Variants in DNAH8 observed in about 807,000 individuals in gnomAD.
The protein encoded by DNAH8 is axonemal beta dynein heavy chain 8.
A neutral mutation model predicts 562.1 loss-of-function variants in DNAH8; 382 were observed. That is an observed-to-expected ratio of 0.68 (90% CI 0.63 to 0.74). The LOEUF (loss-of-function observed/expected upper bound fraction) is 0.74, where lower values mean the gene tolerates loss of function less well. Ranked by LOEUF, DNAH8 falls within the 30% of genes least tolerant of loss-of-function variation. DNAH8 has a pLI of 0.00. For missense variants in DNAH8, 5,203 were observed against 5,620.4 expected (o/e 0.93, Z 2.37); for synonymous variants, 1,881 against 1,919.4 (o/e 0.98, Z 0.52).
chr6:39,005,662 A>C (rs1414321379), intron 88 of DNAH8, among the ~76,000 whole-genome samples: 1 of 152,174 alleles, frequency 6.6e-6, no homozygotes, highest in Non-Finnish European at 1.5e-5. Context: ...CGTTTATTCA[A>C]ATATTTTTTC....
chr6:38,872,784 T>A lies in DNAH8; in HGVS notation c.7237+2T>A. The A allele has an allele frequency of 1.2e-6, 2 of 1,614,054 alleles. No homozygotes were observed. The highest frequency in any genetic ancestry group is 1.7e-6 in the Non-Finnish European group (2 of 1,179,956). On this transcript the variant is annotated splice_donor_variant, in intron 50 of 92. Transcript: ENST00000327475. LOFTEE classifies it high-confidence loss of function. ...GAAAAACATTAAAAGCTAAAAAAGGTATACACAAACCTCCTTTGTGATCAT... is the reference window on the plus strand; with the variant it reads ...GAAAAACATTAAAAGCTAAAAAAGGAATACACAAACCTCCTTTGTGATCAT...
intron 84 of DNAH8, among the ~76,000 whole-genome samples, chr6:38,974,040 G>C (rs1763515927): frequency 6.6e-6 from 1 of 152,068 alleles, no homozygotes; most frequent in Non-Finnish European, 1.5e-5. Context: ...TTGAGTTTCA[G>C]CTCTGATCAA....
chr6:38,901,287 A>T (rs1021942046), intron 62 of DNAH8, among the ~76,000 whole-genome samples: 2 of 151,890 alleles, frequency 1.3e-5, no homozygotes, highest in Non-Finnish European at 2.9e-5. Context: ...TTTTCCTATG[A>T]TTTTCTTCAC....
chr6:39,022,703 C>T (rs561070889), intron 91 of DNAH8, among the ~76,000 whole-genome samples: 76 of 152,240 alleles, frequency 5.0e-4, no homozygotes, highest in East Asian at 1.4e-3. Flanking sequence ...GTTTTCTGGT[C>T]GTGTGATCCC....
intron 9 of DNAH8, among the ~76,000 whole-genome samples, chr6:38,752,859 A>G (rs577206289): frequency 1.3e-5 from 2 of 152,336 alleles, no homozygotes; most frequent in Non-Finnish European, 2.9e-5. Flanking sequence ...AGAGTCTTTT[A>G]ATTGAGTCCA....
chr6:38,718,890 G>A (rs1762538141), intron 1 of DNAH8, among the ~76,000 whole-genome samples: 1 of 152,130 alleles, frequency 6.6e-6, no homozygotes, highest in Non-Finnish European at 1.5e-5. Flanking sequence ...GCTTTGACCT[G>A]TTCATAGCTT....
At chr6:38,802,816 C>T (rs1770899953) in intron 21 of DNAH8, among the ~76,000 whole-genome samples, 1 of 152,250 alleles carries the variant, frequency 6.6e-6, no homozygotes, top group Non-Finnish European at 1.5e-5. Flanking sequence ...CAAACCAATA[C>T]TCTGGATTGT....
At chr6:38,781,833 A>G (rs1768644887) in intron 16 of DNAH8, among the ~76,000 whole-genome samples, 1 of 152,082 alleles carries the variant, frequency 6.6e-6, no homozygotes, top group African/African-American at 2.4e-5. Flanking sequence ...TTCATTCTCT[A>G]TGTCCTTCAG....
rs530942355 is a variant in DNAH8 at position 38,766,587 on chromosome 6, A to T, written c.1618-3826A>T. ...ATGCAACCTCCGCCTCCTGGGCTCA[A>T]GCCATCCTCCCACCTCAGCCTCCCT... is the stretch of plus-strand genomic sequence containing the variant. On this transcript the variant is annotated intron_variant, in intron 11 of 92. Coordinates refer to ENST00000327475, the MANE Select transcript of DNAH8 (RefSeq NM_001206927.2). Among the ~76,000 whole-genome samples, 5 of 152,270 alleles carry T rather than the reference A, an allele frequency of 3.3e-5. No homozygotes were observed. The East Asian group carries it at 9.6e-4, about 29-fold the overall frequency.
chr6:39,008,761 T>TA, intron 88 of DNAH8, 53 bp from the exon 89 acceptor site: 1 of 1,102,560 alleles, frequency 9.1e-7, no homozygotes, highest in Non-Finnish European at 1.3e-6. Flanking sequence ...ACTTGACACT[T>TA]ATCTCTTACA....
At chr6:38,900,324 T>TTTGC (rs1403831195) in intron 62 of DNAH8, among the ~76,000 whole-genome samples, 2 of 152,234 alleles carry the variant, frequency 1.3e-5, no homozygotes, top group Admixed American at 1.3e-4. Flanking sequence ...GTTCATTCTT[T>TTTGC]TTGCTGCATG....
At chr6:38,782,368 C>T (rs150194097) in intron 16 of DNAH8, among the ~76,000 whole-genome samples, 7,017 of 152,188 alleles carry the variant, frequency 0.046, 218 homozygotes, top group Middle Eastern at 0.085. Flanking sequence ...GCAACCTCCG[C>T]ATCCTGGGTT....
intron 36 of DNAH8, among the ~76,000 whole-genome samples, chr6:38,846,148 C>G (rs180844181): frequency 6.7e-4 from 102 of 152,212 alleles, no homozygotes; most frequent in African/African-American, 2.4e-3. Flanking sequence ...CACCCAATGG[C>G]CCGGGAAAAG....
In DNAH8 at chr6:39,030,110, T is replaced by A. The variant is rs1318112375; in HGVS notation, c.13842T>A (p.Gly4614=). 1 of 1,611,580 alleles carries A rather than the reference T, an allele frequency of 6.2e-7. No homozygotes were observed. The highest frequency in any genetic ancestry group is 1.7e-5 in the Admixed American group (1 of 59,886). Residue 4614 remains glycine, a synonymous_variant, in exon 93 of 93, where the codon GGT becomes GGA. Transcript: ENST00000327475. The part of the protein sequence containing the change: ...KEEITSPPGE[G]VYIYGLYMDG... ...CTTATGCTTGACTCTTCCAGGAAGGTGTGTATATTTATGGGCTCTACATGG... is the reference window on the plus strand; with the variant it reads ...CTTATGCTTGACTCTTCCAGGAAGGAGTGTATATTTATGGGCTCTACATGG...
intron 79 of DNAH8, among the ~76,000 whole-genome samples, chr6:38,939,885 C>T (rs1783299333): frequency 6.6e-6 from 1 of 152,144 alleles, no homozygotes; most frequent in African/African-American, 2.4e-5. Flanking sequence ...GAAAACATTC[C>T]ATGCTGAAAT....
intron 10 of DNAH8, among the ~76,000 whole-genome samples, chr6:38,757,587 G>T (rs1434230137): frequency 2.6e-5 from 4 of 152,186 alleles, no homozygotes; most frequent in African/African-American, 9.7e-5. Flanking sequence ...TAGACATGAA[G>T]TCCTTGCCCA....
intron 88 of DNAH8, among the ~76,000 whole-genome samples, chr6:38,991,600 C>A (rs1309871287): frequency 6.6e-6 from 1 of 152,188 alleles, no homozygotes; most frequent in Non-Finnish European, 1.5e-5. Context: ...CAGTGACCTA[C>A]ATACAGATGA....
At chr6:38,912,582 T>C (rs1780985230) in intron 66 of DNAH8, among the ~76,000 whole-genome samples, 1 of 152,182 alleles carries the variant, frequency 6.6e-6, no homozygotes, top group African/African-American at 2.4e-5. Context: ...TTTCTCATGA[T>C]TCAGCTTCTT....
chr6:38,873,514 A>G (rs2150436603), intron 52 of DNAH8, 138 bp downstream of exon 52: 2 of 738,044 alleles, frequency 2.7e-6, no homozygotes, highest in Non-Finnish European at 4.2e-6. Flanking sequence ...AGCTCTGATA[A>G]TTTTGATTTC....
Sources: gnomAD v4.1 joint callset for allele counts (sites outside exome capture counted in the v4.1 genomes callset) on GRCh38, gnomAD v4.1.1 for gene constraint, MANE v1.5 for transcripts, NCBI Gene and HGNC (gene_info 2026-07-23, HGNC 2026-07-21) for gene names.